LHCGR: variants seen among roughly 807,000 people sequenced by gnomAD.
LHCGR encodes luteinizing hormone/choriogonadotropin receptor, also known as lutropin-choriogonadotropic hormone receptor.
LHCGR carries 55 observed loss-of-function variants against 60.7 expected under a neutral mutation model. The observed-to-expected ratio is 0.91, with a 90% CI of 0.73 to 1.13. The LOEUF (loss-of-function observed/expected upper bound fraction) is 1.13. Ranked by LOEUF, LHCGR falls within the 50% of genes most tolerant of loss-of-function variation. LHCGR has a pLI of 0.00. For synonymous variants in LHCGR, 337 were observed against 316.5 expected (o/e 1.06, Z -0.69); for missense variants, 862 against 836.0 (o/e 1.03, Z -0.38).
chr2:48,709,960 G>T (rs1471251762), intron 7 of LHCGR, among the ~76,000 whole-genome samples: 1 of 152,156 alleles, frequency 6.6e-6, no homozygotes, highest in African/African-American at 2.4e-5. Context: ...GGAAAACCGT[G>T]GATGGTGGGA....
At chr2:48,697,410 A>G (rs1667170993) in intron 9 of LHCGR, among the ~76,000 whole-genome samples, 1 of 152,160 alleles carries the variant, frequency 6.6e-6, no homozygotes, top group African/African-American at 2.4e-5. Flanking sequence ...TTGCTCCCAT[A>G]CAGCTGTCTG....
At chr2:48,746,221 G>T (rs11695955) in intron 1 of LHCGR, among the ~76,000 whole-genome samples, 23,318 of 152,118 alleles carry the variant, frequency 0.15, 2,278 homozygotes, top group East Asian at 0.34. Flanking sequence ...GGGTGGATAG[G>T]TTCCATACTT....
At chr2:48,725,637 C>G in intron 4 of LHCGR, 39 bp downstream of exon 4, 1 of 1,403,976 alleles carries the variant, frequency 7.1e-7, no homozygotes, top group Non-Finnish European at 1.0e-6. Context: ...AGATGCCCAT[C>G]TTCCCCTCCC....
intron 1 of LHCGR, among the ~76,000 whole-genome samples, chr2:48,752,991 G>GGGGGGGGGGGGGGGGGGT (rs1670043708): frequency 6.9e-5 from 4 of 57,946 alleles, no homozygotes; most frequent in South Asian, 9.8e-4. Flanking sequence ...CGGGGGGGGG[G>GGGGGGGGGGGGGGGGGGT]GGGGGTGGGG....
intron 6 of LHCGR, among the ~76,000 whole-genome samples, chr2:48,723,181 A>G (rs903334641): frequency 6.6e-6 from 1 of 152,192 alleles, no homozygotes; most frequent in Non-Finnish European, 1.5e-5. Context: ...AGCATTCTCC[A>G]TTAATGCAGT....
chr2:48,699,772 G>C (rs1667319906), intron 8 of LHCGR, among the ~76,000 whole-genome samples: 1 of 152,250 alleles, frequency 6.6e-6, no homozygotes, highest in Admixed American at 6.5e-5. Context: ...TGTGTGAAAA[G>C]CTCAGGCTTT....
intron 1 of LHCGR, among the ~76,000 whole-genome samples, chr2:48,735,848 C>T (rs945645972): frequency 5.9e-5 from 9 of 152,106 alleles, no homozygotes; most frequent in African/African-American, 9.7e-5. Flanking sequence ...ACCCAAATCT[C>T]GTGTCAAATT....
intron 3 of LHCGR, 73 bp downstream of exon 3, chr2:48,729,080 C>A: frequency 8.6e-7 from 1 of 1,169,364 alleles, no homozygotes; most frequent in South Asian, 1.2e-5. Flanking sequence ...TGCTTGAATA[C>A]AAATACCAAG....
chr2:48,738,554 T>A (rs997389475), intron 1 of LHCGR, among the ~76,000 whole-genome samples: 1 of 152,172 alleles, frequency 6.6e-6, no homozygotes, highest in African/African-American at 2.4e-5. Context: ...TCTACAAATG[T>A]CTCAGCCTGG....
chr2:48,708,793 G>A (rs141397493), intron 8 of LHCGR, 155 bp downstream of exon 8: 2 of 738,074 alleles, frequency 2.7e-6, no homozygotes, highest in Non-Finnish European at 5.0e-6. Flanking sequence ...CTTTATTATG[G>A]CAGCTGTGAT....
chr2:48,754,679 A>G (rs1443226415), intron 1 of LHCGR, among the ~76,000 whole-genome samples: 1 of 152,120 alleles, frequency 6.6e-6, no homozygotes. Flanking sequence ...GTAACTACTA[A>G]TCTACTTTCA....
intron 10 of LHCGR, among the ~76,000 whole-genome samples, chr2:48,692,321 T>A (rs1373851491): frequency 1.3e-5 from 2 of 152,376 alleles, no homozygotes; most frequent in South Asian, 2.1e-4. Context: ...AATTCTGCCA[T>A]GATTTCTGGT....
At chr2:48,700,176 C>G (rs1558822124) in intron 8 of LHCGR, among the ~76,000 whole-genome samples, 1 of 152,260 alleles carries the variant, frequency 6.6e-6, no homozygotes, top group East Asian at 1.9e-4. Context: ...GGGTTTTTAT[C>G]TCAGACATGT....
At chr2:48,724,935 C>G (rs1668653848) in intron 4 of LHCGR, among the ~76,000 whole-genome samples, 1 of 151,972 alleles carries the variant, frequency 6.6e-6, no homozygotes, top group Non-Finnish European at 1.5e-5. Flanking sequence ...GGGAGGTGGG[C>G]TTTACATTCT....
At position 48,731,316 on chromosome 2, in the gene LHCGR, A is replaced by G. The variant is rs1464772625; in HGVS notation, c.162-18T>C. ...CAAGTGATCTAGAAAAGAAAAAAGG[A>G]AATCCAAGAGTTTAAGATTTATGAT... On this transcript the variant is annotated intron_variant, in intron 1 of 10. Transcript: ENST00000294954. The G allele has an allele frequency of 1.3e-6, 2 of 1,587,414 alleles. No individual in the cohort carries two copies. Among genetic ancestry groups the G allele is most frequent in the Non-Finnish European group, 1.7e-6 (2 of 1,159,086 alleles).
intron 1 of LHCGR, among the ~76,000 whole-genome samples, chr2:48,738,870 T>A (rs1439083150): frequency 6.6e-6 from 1 of 152,234 alleles, no homozygotes; most frequent in Non-Finnish European, 1.5e-5. Context: ...TAATTTCACA[T>A]TTTGAAAACT....
Position 48,698,643 on chromosome 2 carries a change from A to T in LHCGR, c.838T>A (p.Cys280Ser). The stretch of plus-strand genomic sequence containing the variant: ...TTTGTTGGCAAGTTTCTAAAAGCAC[A>T]GCAGTGGCTGGGGTAAGTCAACGTG... Reference protein sequence around the residue: ...EATLTYPSHCCAFRNLPTKEQ... With the variant: ...EATLTYPSHCSAFRNLPTKEQ... Residue 280 changes from cysteine to serine, a missense_variant, in exon 9 of 11, where the codon TGT becomes AGT. Transcript: ENST00000294954. 6.2e-7 allele frequency: 1 copy of T among 1,614,186 alleles called. No homozygotes were observed. The highest frequency in any genetic ancestry group is 1.1e-5 in the South Asian group (1 of 91,086).
intron 9 of LHCGR, among the ~76,000 whole-genome samples, chr2:48,695,521 G>T (rs972726247): frequency 9.2e-5 from 14 of 152,108 alleles, no homozygotes; most frequent in African/African-American, 3.1e-4. Flanking sequence ...TTAAAACAGA[G>T]CTACTATTCA....
In LHCGR at chr2:48,729,208, A is replaced by C. The variant is rs957491616; in HGVS notation, c.253T>G (p.Ser85Ala). The change falls in exon 3 of 11, where the codon TCC becomes GCC. Residue 85 changes from serine to alanine, a missense_variant. By Grantham distance (99) the Ser-to-Ala change is moderately conservative. Coordinates refer to ENST00000294954, the MANE Select transcript of LHCGR (RefSeq NM_000233.4). ...GCATTAGCTTCTATCCTTTCCAGGG[A>C]ATCAATCTGAGAGATTTCACTAGGG... ...VIKIEISQID[S>A]LERIEANAFD... is the part of the protein sequence containing the mutation. 1 of 1,610,230 alleles carries C rather than the reference A, an allele frequency of 6.2e-7. No individual in the cohort carries two copies. The highest frequency in any genetic ancestry group is 1.3e-5 in the African/African-American group (1 of 74,876).
Sources: allele counts gnomAD v4.1 joint callset (sites outside exome capture counted in the v4.1 genomes callset), GRCh38; gene constraint gnomAD v4.1.1; transcripts MANE v1.5; gene names NCBI Gene and HGNC (gene_info 2026-07-23, HGNC 2026-07-21).